Variants in SMS observed in about 807,000 individuals in gnomAD.
SMS encodes spermine synthase, also known as spermidine aminopropyltransferase.
Under a neutral mutation model 33.0 loss-of-function variants are expected in SMS, and 3 were observed. The ratio of observed to expected loss-of-function variants is 0.09; its 90% CI spans 0.04 to 0.23. The LOEUF is 0.23. Among genes scored for constraint, SMS ranks in the 10% least tolerant of loss-of-function variants. The probability of loss-of-function intolerance (pLI) is 1.00; values close to 1 mark genes in which losing one functional copy is unlikely to be tolerated. For synonymous variants in SMS, 103 were observed against 112.2 expected (o/e 0.92, Z 0.52); for missense variants, 117 against 288.6 (o/e 0.41, Z 4.31).
intron 1 of SMS, among the ~76,000 whole-genome samples, chrX:21,955,895 C>T (rs1204771116): frequency 9.0e-6 from 1 of 111,675 alleles, no homozygotes; most frequent in Non-Finnish European, 1.9e-5. Flanking sequence ...TTGTCTGTGC[C>T]TTGTTTTCTG....
Position 21,972,534 on chromosome X carries a change from A to G in SMS, c.292A>G (p.Lys98Glu). The stretch of plus-strand genomic sequence containing the variant: ...TTTGAACAAAGTAGAGGAAAGAATG[A>G]AAGAATTGAGTCAGGACAGTACTGG... ...SILNKVEERM[K>E]ELSQDSTGRV... The change falls in exon 4 of 11, where the codon AAA becomes GAA. Residue 98 changes from lysine (K) to glutamate (E), a missense_variant. Around this residue, in one of 3 missense-constraint regions of SMS, gnomAD observed 25 missense variants for 24.4 expected, o/e 1.03. Coordinates refer to ENST00000404933, the MANE Select transcript of SMS (RefSeq NM_004595.5). 1 of 1,193,211 alleles carries G rather than the reference A, an allele frequency of 8.4e-7. No individual in the cohort carries two copies. Among genetic ancestry groups the G allele is most frequent in the Non-Finnish European group, 1.1e-6 (1 of 878,547 alleles).
At chrX:21,957,435 T>C (rs1378564692) in intron 1 of SMS, among the ~76,000 whole-genome samples, 1 of 110,808 alleles carries the variant, frequency 9.0e-6, no homozygotes, top group African/African-American at 3.3e-5. Context: ...TAGCCAGGGC[T>C]ACAGGCGCCT....
At chrX:21,987,831 A>T (rs1357890046) in intron 9 of SMS, among the ~76,000 whole-genome samples, 1 of 112,251 alleles carries the variant, frequency 8.9e-6, no homozygotes, top group Non-Finnish European at 1.9e-5. Flanking sequence ...ACTACAGCCG[A>T]GTGGCTGTTC....
intron 7 of SMS, among the ~76,000 whole-genome samples, chrX:21,980,371 T>G (rs1393147378): frequency 8.7e-5 from 8 of 92,120 alleles, no homozygotes; most frequent in Non-Finnish European, 1.6e-4. Context: ...GAGCTGAGAT[T>G]GCACCACTGC....
intron 1 of SMS, among the ~76,000 whole-genome samples, chrX:21,947,358 G>T (rs1347475961): frequency 9.0e-6 from 1 of 111,573 alleles, no homozygotes; most frequent in Non-Finnish European, 1.9e-5. Context: ...CTGAATCACA[G>T]TTGGTGGAGG....
intron 1 of SMS, among the ~76,000 whole-genome samples, chrX:21,960,273 A>G (rs1923250646): frequency 9.0e-6 from 1 of 110,925 alleles, no homozygotes; most frequent in African/African-American, 3.3e-5. Flanking sequence ...GTGAGGTATG[A>G]AATTTTCAGC....
chrX:21,962,830 A>C (rs2147503610), intron 1 of SMS, among the ~76,000 whole-genome samples: 1 of 109,780 alleles, frequency 9.1e-6, no homozygotes, highest in Non-Finnish European at 1.9e-5. Flanking sequence ...TAATTTTTGT[A>C]TTTTTGGTAG....
intron 1 of SMS, among the ~76,000 whole-genome samples, chrX:21,949,407 AGAG>A (rs1444015271): frequency 1.3e-4 from 15 of 112,272 alleles, no homozygotes; most frequent in Admixed American, 3.8e-4. Flanking sequence ...TCAGTTATAA[AGAG>A]GTGTGAATTT....
At chrX:21,994,228 C>A in intron 10 of SMS, 84 bp from the exon 11 acceptor site, 1 of 903,245 alleles carries the variant, frequency 1.1e-6, no homozygotes, top group African/African-American at 1.9e-5. Flanking sequence ...ATCCATCTTT[C>A]AATTTGTAGG....
At chrX:21,979,001 A>G (rs1219177930) in intron 7 of SMS, 35 bp downstream of exon 7, 5 of 956,363 alleles carry the variant, frequency 5.2e-6, no homozygotes, top group Non-Finnish European at 6.0e-6. Flanking sequence ...TTTTAAGTGA[A>G]CTAATAATAT....
chrX:21,952,267 T>C (rs1313910997), intron 1 of SMS, among the ~76,000 whole-genome samples: 1 of 111,912 alleles, frequency 8.9e-6, no homozygotes, highest in Non-Finnish European at 1.9e-5. Flanking sequence ...TAGATACCCT[T>C]TATCAAGTTG....
chrX:21,985,265 C>G (rs1925244969), intron 9 of SMS, 42 bp downstream of exon 9: 2 of 827,831 alleles, frequency 2.4e-6, no homozygotes, highest in Middle Eastern at 5.6e-4. Flanking sequence ...CGCTCTAAGA[C>G]TTTCCTGTTT....
Position 21,967,228 on chromosome X carries a change from T to C in SMS, c.82T>C (p.Ser28Pro). ...DGETILKGLQ[S>P]IFQEQGMAES... ...TGAGACCATTCTAAAAGGCCTCCAGTCCATTTTCCAGGAGCAGGGGATGGC... is the reference window on the plus strand; with the variant it reads ...TGAGACCATTCTAAAAGGCCTCCAGCCCATTTTCCAGGAGCAGGGGATGGC... Residue 28 changes from serine to proline, a missense_variant, in exon 2 of 11, where the codon TCC becomes CCC. Physicochemically the swap from Ser to Pro is moderately conservative, Grantham distance 74 (BLOSUM62 -1). This residue lies in a region of SMS where 23 missense variants were observed against 60.5 expected (regional missense o/e 0.38). Transcript: ENST00000404933. 8.3e-7 allele frequency: 1 copy of C among 1,209,118 alleles called. No homozygotes were observed.
At chrX:21,991,986 A>C (rs764917940) in intron 9 of SMS, among the ~76,000 whole-genome samples, 1 of 112,148 alleles carries the variant, frequency 8.9e-6, no homozygotes, top group East Asian at 2.8e-4. Context: ...GGAGATGCTG[A>C]AAATGGGGTG....
chrX:21,988,345 G>A (rs1356994598), intron 9 of SMS, among the ~76,000 whole-genome samples: 2 of 111,195 alleles, frequency 1.8e-5, no homozygotes, highest in African/African-American at 3.3e-5. Context: ...ATGCCCACCC[G>A]CTTTGCCCAA....
chrX:21,941,573 A>G (rs1379861973), intron 1 of SMS, among the ~76,000 whole-genome samples: 1 of 109,486 alleles, frequency 9.1e-6, no homozygotes, highest in Non-Finnish European at 1.9e-5. Context: ...AATCGTTTAC[A>G]CCCCGAATCG....
intron 4 of SMS, among the ~76,000 whole-genome samples, chrX:21,973,311 C>T (rs374898241): frequency 8.9e-6 from 1 of 112,308 alleles, no homozygotes. Flanking sequence ...GTGGTACGTG[C>T]TTGTAATCCC....
At chrX:21,957,090 G>A (rs1206991534) in intron 1 of SMS, among the ~76,000 whole-genome samples, 2 of 110,462 alleles carry the variant, frequency 1.8e-5, no homozygotes, top group Non-Finnish European at 3.8e-5. Context: ...TACCTGATGC[G>A]TGTTGCATCT....
At chrX:21,985,851 C>T (rs188398243) in intron 9 of SMS, among the ~76,000 whole-genome samples, 1 of 111,013 alleles carries the variant, frequency 9.0e-6, no homozygotes, top group East Asian at 2.8e-4. Flanking sequence ...AGTAAGACTC[C>T]ATTTCTACAA....
Sources: allele counts gnomAD v4.1 joint callset (sites outside exome capture counted in the v4.1 genomes callset), GRCh38; gene constraint gnomAD v4.1.1; regional missense constraint gnomAD v4.1.1; transcripts MANE v1.5; gene names NCBI Gene and HGNC (gene_info 2026-07-23, HGNC 2026-07-21).